Variants in ZNF407 observed in about 807,000 individuals in gnomAD.
ZNF407 encodes zinc finger protein 407.
In ZNF407, 17 loss-of-function variants were observed where a neutral mutation model predicts 131.2. The observed-to-expected ratio is 0.13, with a 90% CI of 0.09 to 0.19. The LOEUF is 0.19. Among genes scored for constraint, ZNF407 ranks in the 10% least tolerant of loss-of-function variants. ZNF407 has a pLI of 1.00. For synonymous variants in ZNF407, 1,156 were observed against 1,062.0 expected (o/e 1.09, Z -1.72); for missense variants, 2,681 against 2,830.6 (o/e 0.95, Z 1.20).
intron 3 of ZNF407, among the ~76,000 whole-genome samples, chr18:74,675,184 C>T (rs1217298010): frequency 6.6e-6 from 1 of 152,210 alleles, no homozygotes; most frequent in Non-Finnish European, 1.5e-5. Flanking sequence ...CTTATGCTTT[C>T]TCTGTCTCTG....
intron 3 of ZNF407, among the ~76,000 whole-genome samples, chr18:74,745,533 G>A (rs1968649256): frequency 6.6e-6 from 1 of 152,144 alleles, no homozygotes; most frequent in Non-Finnish European, 1.5e-5. Flanking sequence ...ATTTGGTATT[G>A]TGGTTCCACA....
chr18:74,646,379 T>G (rs1568144488), intron 3 of ZNF407, among the ~76,000 whole-genome samples: 1 of 152,218 alleles, frequency 6.6e-6, no homozygotes, highest in Non-Finnish European at 1.5e-5. Flanking sequence ...ATTATGCTTA[T>G]AACAGTATAA....
intron 3 of ZNF407, among the ~76,000 whole-genome samples, chr18:74,651,481 C>T (rs373515278): frequency 4.6e-5 from 7 of 152,048 alleles, no homozygotes; most frequent in South Asian, 2.1e-4. Context: ...TAGATGCCTG[C>T]GTGAAGGTTG....
chr18:74,701,210 T>C (rs1967485910), intron 3 of ZNF407, among the ~76,000 whole-genome samples: 1 of 152,110 alleles, frequency 6.6e-6, no homozygotes, highest in African/African-American at 2.4e-5. Flanking sequence ...TGTCTGAGGC[T>C]CCAGGCTGTG....
intron 1 of ZNF407, among the ~76,000 whole-genome samples, chr18:74,617,102 T>C (rs1489692880): frequency 1.1e-4 from 6 of 56,184 alleles, no homozygotes; most frequent in East Asian, 5.3e-4. Context: ...CACCAACACA[T>C]CCATATCCAC....
intron 8 of ZNF407, among the ~76,000 whole-genome samples, chr18:74,944,897 C>T (rs1972138198): frequency 6.6e-6 from 1 of 152,184 alleles, no homozygotes; most frequent in South Asian, 2.1e-4. Context: ...TGCATTCATT[C>T]TCTGGTTGCA....
intron 4 of ZNF407, among the ~76,000 whole-genome samples, chr18:74,860,150 T>C (rs1408678195): frequency 6.6e-6 from 1 of 152,024 alleles, no homozygotes; most frequent in Admixed American, 6.6e-5. Context: ...TTTTAAAAGA[T>C]AAAATAATCC....
intron 8 of ZNF407, among the ~76,000 whole-genome samples, chr18:75,041,708 A>AAAC: frequency 6.6e-6 from 1 of 152,318 alleles, no homozygotes; most frequent in Middle Eastern, 3.4e-3. Context: ...GGATAAGTAG[A>AAAC]AACTAAGGAA....
intron 8 of ZNF407, among the ~76,000 whole-genome samples, chr18:74,980,555 C>T (rs1462502331): frequency 6.6e-6 from 1 of 152,128 alleles, no homozygotes; most frequent in Admixed American, 6.5e-5. Flanking sequence ...GATCCACCCG[C>T]CTCGGCCTCC....
At position 74,949,241 on chromosome 18, in the gene ZNF407, A is replaced by C. The variant is rs141699337; in HGVS notation, c.5428+28549A>C. On this transcript the variant is annotated intron_variant, in intron 8 of 8. Transcript: ENST00000299687. ...TTGTAAAAAGTAGAGGCATATTAGC[A>C]AATGAAAAGCCCTTCGAACTATGAG... Among the ~76,000 whole-genome samples the C allele has an allele frequency of 2.6e-4, 40 of 152,372 alleles. No homozygotes were observed. In the Middle Eastern group the frequency reaches 0.01, roughly 39 times the overall value.
At chr18:74,789,922 C>T (rs1969794852) in intron 4 of ZNF407, among the ~76,000 whole-genome samples, 1 of 151,546 alleles carries the variant, frequency 6.6e-6, no homozygotes, top group African/African-American at 2.4e-5. Context: ...TAATGTCCCA[C>T]CTCTCCTGGT....
intron 3 of ZNF407, among the ~76,000 whole-genome samples, chr18:74,665,940 A>C (rs936210379): frequency 1.3e-5 from 2 of 152,178 alleles, no homozygotes; most frequent in Non-Finnish European, 2.9e-5. Flanking sequence ...CACATACATA[A>C]TGTTTAAAGA....
At chr18:74,736,684 T>C (rs1968421527) in intron 3 of ZNF407, among the ~76,000 whole-genome samples, 2 of 152,170 alleles carry the variant, frequency 1.3e-5, no homozygotes, top group South Asian at 4.1e-4. Context: ...TTGTCAGTTG[T>C]TTTCATGGCA....
chr18:74,766,167 C>T (rs764185513), intron 3 of ZNF407, among the ~76,000 whole-genome samples: 11 of 152,024 alleles, frequency 7.2e-5, no homozygotes, highest in Non-Finnish European at 1.2e-4. Flanking sequence ...CTCTGTAAGG[C>T]GTTGTCATCA....
chr18:74,836,193 C>G (rs1970557387), intron 4 of ZNF407, among the ~76,000 whole-genome samples: 1 of 152,182 alleles, frequency 6.6e-6, no homozygotes, highest in African/African-American at 2.4e-5. Context: ...CATAAAACTT[C>G]AGGAGCCTGT....
chr18:74,752,646 T>G (rs982780663), intron 3 of ZNF407, among the ~76,000 whole-genome samples: 3 of 152,180 alleles, frequency 2.0e-5, no homozygotes, highest in African/African-American at 4.8e-5. Context: ...TTTCCCCATT[T>G]CTCGTTTTTG....
At chr18:74,998,550 C>T (rs1972805044) in intron 8 of ZNF407, among the ~76,000 whole-genome samples, 1 of 152,052 alleles carries the variant, frequency 6.6e-6, no homozygotes. Flanking sequence ...CATGAACAGA[C>T]ACTTCTCAAA....
chr18:74,940,424 T>G (rs375806517), intron 8 of ZNF407, among the ~76,000 whole-genome samples: 7 of 152,064 alleles, frequency 4.6e-5, no homozygotes, highest in African/African-American at 1.7e-4. Flanking sequence ...TTGCTGGCCA[T>G]TAGTATTATC....
At position 74,662,111 on chromosome 18, in the gene ZNF407, G is replaced by A. The variant is rs566588551; in HGVS notation, c.4802+20989G>A. On this transcript the variant is annotated intron_variant, in intron 3 of 8. Transcript: ENST00000299687. The stretch of plus-strand genomic sequence containing the variant: ...TATGCCATCGAGTCTTTGCATTTTT[G>A]TGAGGTATATTTATTTTTCCTGGAC... Among the ~76,000 whole-genome samples, 5 of 150,452 alleles carry A rather than the reference G, an allele frequency of 3.3e-5. No homozygotes were observed. In the South Asian group the frequency reaches 1.0e-3, roughly 32 times the overall value.
Sources: gnomAD v4.1 joint callset for allele counts (sites outside exome capture counted in the v4.1 genomes callset) on GRCh38, gnomAD v4.1.1 for gene constraint, MANE v1.5 for transcripts, NCBI Gene and HGNC (gene_info 2026-07-23, HGNC 2026-07-21) for gene names.